Variants in CDH23 observed in about 807,000 individuals in gnomAD.
The protein encoded by CDH23 is cadherin related 23.
CDH23 carries 189 observed loss-of-function variants against 317.1 expected under a neutral mutation model. The ratio of observed to expected loss-of-function variants is 0.60; its 90% CI spans 0.53 to 0.67. The LOEUF is 0.67. CDH23 is among the 30% of genes least tolerant of loss of function. CDH23 has a pLI of 0.00. For synonymous variants in CDH23, 1,839 were observed against 1,876.8 expected, an observed-to-expected ratio of 0.98 and a Z score of 0.52; for missense variants, 4,401 against 4,592.4, an observed-to-expected ratio of 0.96 and a Z score of 1.20.
chr10:71,685,280 A>C lies in CDH23; in HGVS notation c.1987-2367A>C, dbSNP rs1310680582. On this transcript the variant is annotated intron_variant, in intron 18 of 69. Coordinates refer to ENST00000224721, the MANE Select transcript of CDH23 (RefSeq NM_022124.6). Reference sequence around the variant, plus strand: ...TGGATGCTTCTGGTCAGGGGACAACACTTTGAGGAGCAAGGCCTTCAGAGA... The same window carrying C: ...TGGATGCTTCTGGTCAGGGGACAACCCTTTGAGGAGCAAGGCCTTCAGAGA... Among the ~76,000 whole-genome samples, 2 of 152,156 alleles carry C rather than the reference A, an allele frequency of 1.3e-5. 1 individual carries two copies. Among genetic ancestry groups the C allele is most frequent in the Admixed American group, 1.3e-4 (2 of 15,280 alleles).
intron 3 of CDH23, among the ~76,000 whole-genome samples, chr10:71,485,260 C>T (rs1279795468): frequency 5.3e-5 from 8 of 152,064 alleles, no homozygotes; most frequent in East Asian, 1.9e-4. Context: ...CTCCTGACCT[C>T]GTGATCCACC....
At chr10:71,493,331 C>T (rs1422558045) in intron 3 of CDH23, among the ~76,000 whole-genome samples, 6 of 152,090 alleles carry the variant, frequency 3.9e-5, no homozygotes, top group South Asian at 2.1e-4. Context: ...GGCAGGGATC[C>T]GGGCAGAAAT....
At chr10:71,461,938 G>A (rs1481305770) in intron 3 of CDH23, among the ~76,000 whole-genome samples, 2 of 152,194 alleles carry the variant, frequency 1.3e-5, no homozygotes, top group Non-Finnish European at 2.9e-5. Flanking sequence ...CCGCTGCCCT[G>A]GCCATGCAGC....
chr10:71,603,617 G>A (rs1860360542), intron 9 of CDH23, among the ~76,000 whole-genome samples: 1 of 152,188 alleles, frequency 6.6e-6, no homozygotes, highest in Non-Finnish European at 1.5e-5. Context: ...GGCAGCAGGG[G>A]GGGCCTCCTT....
At chr10:71,422,619 T>C (rs1260225179) in intron 1 of CDH23, among the ~76,000 whole-genome samples, 2 of 152,178 alleles carry the variant, frequency 1.3e-5, no homozygotes, top group African/African-American at 4.8e-5. Context: ...GCGTTCCTTG[T>C]ATAAGGAAGA....
intron 44 of CDH23, among the ~76,000 whole-genome samples, chr10:71,786,477 T>C (rs1226016781): frequency 6.7e-6 from 1 of 148,722 alleles, no homozygotes; most frequent in Admixed American, 6.8e-5. Context: ...GGTGCTCCTC[T>C]GCTTCCTACT....
At chr10:71,803,921 G>C (rs1841634193) in intron 55 of CDH23, among the ~76,000 whole-genome samples, 1 of 148,574 alleles carries the variant, frequency 6.7e-6, no homozygotes, top group African/African-American at 2.5e-5. Flanking sequence ...GGAGACGGAG[G>C]TTGCAGTGAG....
chr10:71,669,048 C>A (rs1196827120), intron 14 of CDH23, among the ~76,000 whole-genome samples: 1 of 152,200 alleles, frequency 6.6e-6, no homozygotes, highest in African/African-American at 2.4e-5. Context: ...CTCGGCTGCA[C>A]CCTCTCCCCC....
chr10:71,770,915 T>A (rs372575434), intron 38 of CDH23, among the ~76,000 whole-genome samples: 26 of 152,280 alleles, frequency 1.7e-4, no homozygotes, highest in African/African-American at 6.3e-4. Context: ...GGGACTGGCC[T>A]CAAGGCTGTT....
intron 16 of CDH23, 38 bp from the exon 17 acceptor site, chr10:71,679,325 ACCCTCTTCTGGCCCCCAGTCTCCT>A: frequency 1.3e-6 from 1 of 757,164 alleles, no homozygotes; most frequent in Admixed American, 2.1e-5. Flanking sequence ...CCAGCTGCCC[ACCCTCTTCTGGCCCCCAGTCTCCT>A]GCAGGCTCAC....
At position 71,604,983 on chromosome 10, in the gene CDH23, C is replaced by T. The variant is rs185124508; in HGVS notation, c.833-10521C>T. Among the ~76,000 whole-genome samples, 747 of 152,292 alleles carry T rather than the reference C, an allele frequency of 4.9e-3. 3 individuals carry two copies. Among genetic ancestry groups the T allele is most frequent in the Non-Finnish European group, 7.2e-3 (489 of 68,026 alleles). On this transcript the variant is annotated intron_variant, in intron 9 of 69. Transcript: ENST00000224721. The stretch of plus-strand genomic sequence containing the variant: ...GAATTGTTGTTAGTAATTGTGGTAA[C>T]CCAGGGAGAGGAAGAATTACACATT...
chr10:71,571,998 A>C (rs1857849398), intron 8 of CDH23, among the ~76,000 whole-genome samples: 1 of 152,122 alleles, frequency 6.6e-6, no homozygotes, highest in African/African-American at 2.4e-5. Context: ...GCCTCCCTTC[A>C]CAGCATGAGG....
intron 57 of CDH23, 134 bp from the exon 58 acceptor site, chr10:71,807,143 T>C: frequency 8.8e-7 from 1 of 1,132,038 alleles, no homozygotes; most frequent in Non-Finnish European, 1.2e-6. Context: ...TTACAACGGT[T>C]CTACTCACCC....
In CDH23 at chr10:71,728,982, T is replaced by C. The variant is rs566430712; in HGVS notation, c.3580-1487T>C. Among the ~76,000 whole-genome samples the C allele has an allele frequency of 3.3e-5, 5 of 151,936 alleles. No individual in the cohort carries two copies. In the South Asian group the frequency reaches 1.0e-3, roughly 32 times the overall value. ...AGTAGCTGGGACTACAGGTGCGTGC[T>C]ATCACCCCTGGCTAATTTTTTTTTG... On this transcript the variant is annotated intron_variant, in intron 30 of 69. Transcript: ENST00000224721.
intron 1 of CDH23, among the ~76,000 whole-genome samples, chr10:71,424,689 A>T (rs569953529): frequency 6.6e-6 from 1 of 152,184 alleles, no homozygotes; most frequent in Non-Finnish European, 1.5e-5. Flanking sequence ...TTCATGATTC[A>T]TCCAGTGCTC....
intron 3 of CDH23, among the ~76,000 whole-genome samples, chr10:71,453,337 C>T (rs142395350): frequency 0.02 from 3,059 of 152,352 alleles, 49 homozygotes; most frequent in Non-Finnish European, 0.031. Flanking sequence ...GAGCAGTTTT[C>T]AGGTGGGCTG....
chr10:71,611,649 G>C (rs1860902172), intron 9 of CDH23, among the ~76,000 whole-genome samples: 1 of 152,170 alleles, frequency 6.6e-6, no homozygotes, highest in African/African-American at 2.4e-5. Flanking sequence ...TAAGTCACTT[G>C]ATCAAGTTCA....
At chr10:71,675,835 C>A (rs1864339054) in intron 15 of CDH23, among the ~76,000 whole-genome samples, 1 of 151,734 alleles carries the variant, frequency 6.6e-6, no homozygotes, top group African/African-American at 2.4e-5. Flanking sequence ...GTAAATTGGT[C>A]CGGGCTTGAT....
intron 19 of CDH23, among the ~76,000 whole-genome samples, chr10:71,688,871 GA>G (rs1865037549): frequency 7.9e-6 from 1 of 126,132 alleles, no homozygotes; most frequent in Admixed American, 7.6e-5. Flanking sequence ...TGGAGTCAGG[GA>G]TGATGGAGCC....
Sources: gnomAD v4.1 joint callset for allele counts (sites outside exome capture counted in the v4.1 genomes callset) on GRCh38, gnomAD v4.1.1 for gene constraint, MANE v1.5 for transcripts, NCBI Gene and HGNC (gene_info 2026-07-23, HGNC 2026-07-21) for gene names.